Variants in PLPPR1 observed in about 807,000 individuals in gnomAD.
The protein encoded by PLPPR1 is phospholipid phosphatase-related protein type 1.
PLPPR1 carries 10 observed loss-of-function variants against 33.1 expected under a neutral mutation model. The ratio of observed to expected loss-of-function variants is 0.30; its 90% CI spans 0.19 to 0.51. PLPPR1 has a LOEUF of 0.51. Among genes scored for constraint, PLPPR1 ranks in the 20% least tolerant of loss-of-function variants. The pLI, the probability that PLPPR1 is intolerant of heterozygous loss-of-function variation, is 0.97. For synonymous variants in PLPPR1, 151 were observed against 151.0 expected, an observed-to-expected ratio of 1.00 and a Z score of 0.00; for missense variants, 304 against 408.1, an observed-to-expected ratio of 0.74 and a Z score of 2.20.
intron 1 of PLPPR1, among the ~76,000 whole-genome samples, chr9:101,060,256 G>T (rs1830328847): frequency 6.6e-6 from 1 of 151,954 alleles, no homozygotes; most frequent in African/African-American, 2.4e-5. Context: ...ACTTATACGT[G>T]GAGTGTCAAA....
intron 1 of PLPPR1, among the ~76,000 whole-genome samples, chr9:101,152,681 T>C (rs146211147): frequency 0.016 from 2,393 of 152,134 alleles, 66 homozygotes; most frequent in African/African-American, 0.054. Flanking sequence ...CTTGTTTTTG[T>C]CAGGTGTGTC....
intron 2 of PLPPR1, among the ~76,000 whole-genome samples, chr9:101,251,096 G>A (rs755301260): frequency 6.6e-6 from 1 of 151,970 alleles, no homozygotes; most frequent in African/African-American, 2.4e-5. Flanking sequence ...TCACTTGGAT[G>A]TCTAATAGGC....
chr9:101,047,265 A>G (rs1157906883), intron 1 of PLPPR1, among the ~76,000 whole-genome samples: 1 of 152,146 alleles, frequency 6.6e-6, no homozygotes, highest in Non-Finnish European at 1.5e-5. Flanking sequence ...TCCTTCTAGG[A>G]AGTTCTTGCA....
intron 2 of PLPPR1, among the ~76,000 whole-genome samples, chr9:101,227,388 A>G (rs1233719877): frequency 6.6e-6 from 1 of 152,136 alleles, no homozygotes; most frequent in Non-Finnish European, 1.5e-5. Context: ...TTTGATTTGC[A>G]TTTCTAATGA....
intron 2 of PLPPR1, among the ~76,000 whole-genome samples, chr9:101,209,541 G>A (rs935881451): frequency 5.9e-5 from 9 of 151,714 alleles, no homozygotes; most frequent in African/African-American, 2.2e-4. Context: ...CCTTTATAAA[G>A]CCCCCTTTTT....
intron 3 of PLPPR1, among the ~76,000 whole-genome samples, chr9:101,284,645 G>C (rs1034479795): frequency 2.6e-5 from 4 of 152,038 alleles, no homozygotes; most frequent in Non-Finnish European, 5.9e-5. Flanking sequence ...GTGTGTGTCC[G>C]AGTTCCTGAA....
At chr9:101,158,096 G>T (rs778703491) in intron 1 of PLPPR1, among the ~76,000 whole-genome samples, 1 of 152,124 alleles carries the variant, frequency 6.6e-6, no homozygotes, top group Non-Finnish European at 1.5e-5. Flanking sequence ...CAGTGAAATG[G>T]AGTAAACTAG....
intron 2 of PLPPR1, among the ~76,000 whole-genome samples, chr9:101,205,957 A>ATATC (rs1278815673): frequency 6.6e-6 from 1 of 152,322 alleles, no homozygotes; most frequent in East Asian, 1.9e-4. Context: ...GATATGATCT[A>ATATC]TATCTCCTCA....
chr9:101,152,834 T>A (rs1188734053), intron 1 of PLPPR1, among the ~76,000 whole-genome samples: 4 of 152,146 alleles, frequency 2.6e-5, no homozygotes, highest in South Asian at 2.1e-4. Context: ...AGGTAGCGTG[T>A]TGCCTCCAGC....
chr9:101,210,790 C>T (rs552134305), intron 2 of PLPPR1, among the ~76,000 whole-genome samples: 3 of 152,178 alleles, frequency 2.0e-5, no homozygotes, highest in African/African-American at 7.2e-5. Context: ...GTTTTTGAGA[C>T]GGAGTCTCGC....
intron 2 of PLPPR1, among the ~76,000 whole-genome samples, chr9:101,197,538 T>A (rs565606787): frequency 6.6e-6 from 1 of 152,200 alleles, no homozygotes; most frequent in Non-Finnish European, 1.5e-5. Context: ...GCAATAGATA[T>A]TGCAGGCTCC....
chr9:101,172,173 C>G (rs761605867), intron 1 of PLPPR1, among the ~76,000 whole-genome samples: 4 of 152,042 alleles, frequency 2.6e-5, no homozygotes, highest in Non-Finnish European at 5.9e-5. Context: ...GAGATGCCTT[C>G]AACTTGACCT....
chr9:101,110,105 T>G lies in PLPPR1; in HGVS notation c.-45-75345T>G, dbSNP rs141861058. ...CAATATAATATGTATGTAAAGTGAA[T>G]AATATAAATTACAAAACAAGTTTTT... On this transcript the variant is annotated intron_variant, in intron 1 of 7. Transcript: ENST00000374874. Among the ~76,000 whole-genome samples the G allele has an allele frequency of 6.7e-3, 1,028 of 152,308 alleles. 9 individuals carry two copies. Among genetic ancestry groups the G allele is most frequent in the African/African-American group, 0.024 (994 of 41,572 alleles).
chr9:101,086,232 T>G (rs1830673693), intron 1 of PLPPR1, among the ~76,000 whole-genome samples: 1 of 152,196 alleles, frequency 6.6e-6, no homozygotes, highest in South Asian at 2.1e-4. Context: ...TAGCAGATAT[T>G]AGGCTAGAAT....
At chr9:101,223,147 A>C (rs1826983940) in intron 2 of PLPPR1, among the ~76,000 whole-genome samples, 1 of 48,248 alleles carries the variant, frequency 2.1e-5, no homozygotes, top group Non-Finnish European at 3.4e-5. Context: ...ACCCATCTCT[A>C]CAAAAAAAAA....
intron 1 of PLPPR1, among the ~76,000 whole-genome samples, chr9:101,096,013 A>G (rs757203428): frequency 2.3e-4 from 35 of 152,148 alleles, no homozygotes; most frequent in Admixed American, 5.2e-4. Flanking sequence ...AAAATGACAG[A>G]AGATGTGGTT....
intron 5 of PLPPR1, among the ~76,000 whole-genome samples, chr9:101,310,286 C>T (rs182236519): frequency 1.2e-4 from 19 of 152,296 alleles, no homozygotes; most frequent in African/African-American, 2.4e-4. Flanking sequence ...CGGGCTGATA[C>T]GATATTGCTG....
intron 1 of PLPPR1, among the ~76,000 whole-genome samples, chr9:101,075,701 C>T (rs908181839): frequency 1.1e-4 from 17 of 152,166 alleles, no homozygotes; most frequent in Non-Finnish European, 2.9e-5. Flanking sequence ...AATTCCTTGC[C>T]TACTTGGAGC....
intron 1 of PLPPR1, among the ~76,000 whole-genome samples, chr9:101,083,007 A>G (rs767990048): frequency 6.6e-5 from 10 of 152,092 alleles, no homozygotes; most frequent in Non-Finnish European, 1.5e-4. Context: ...GAAGGAGAAA[A>G]AGGAATTTCC....
Sources: gnomAD v4.1 joint callset for allele counts (sites outside exome capture counted in the v4.1 genomes callset) on GRCh38, gnomAD v4.1.1 for gene constraint, MANE v1.5 for transcripts, NCBI Gene and HGNC (gene_info 2026-07-23, HGNC 2026-07-21) for gene names.